DCDC1: variants seen among roughly 807,000 people sequenced by gnomAD.
DCDC1 encodes the protein doublecortin domain-containing protein 1.
Under a neutral mutation model 178.3 loss-of-function variants are expected in DCDC1, and 200 were observed. The ratio of observed to expected loss-of-function variants is 1.12; its 90% confidence interval spans 1.00 to 1.26. DCDC1 has a LOEUF of 1.26. DCDC1 is among the 50% of genes most tolerant of loss of function. DCDC1 has a pLI of 0.00. For missense variants in DCDC1, 1,983 were observed against 1,749.2 expected (o/e 1.13, Z -2.38); for synonymous variants, 690 against 604.8 (o/e 1.14, Z -2.07).
At chr11:31,135,039 T>C (rs1463965281) in intron 10 of DCDC1, among the ~76,000 whole-genome samples, 4 of 152,146 alleles carry the variant, frequency 2.6e-5, no homozygotes, top group African/African-American at 9.7e-5. Flanking sequence ...AAGCTTAACA[T>C]ATATCATCAC....
intron 34 of DCDC1, among the ~76,000 whole-genome samples, 200 bp downstream of exon 34, chr11:30,899,341 T>G (rs1287266352): frequency 6.6e-6 from 1 of 152,096 alleles, no homozygotes; most frequent in Non-Finnish European, 1.5e-5. Flanking sequence ...AATATAAAAT[T>G]TACAGATATA....
In DCDC1 at chr11:31,085,092, C is replaced by T. The variant is rs141260724; in HGVS notation, c.2237+6301G>A. 2.1e-3 allele frequency among the ~76,000 whole-genome samples: 316 copies of T among 151,842 alleles called. 1 individual carries two copies. Among genetic ancestry groups the T allele is most frequent in the African/African-American group, 6.9e-3 (287 of 41,458 alleles). ...GAACTATCCCATTGAGAAAGGCCTT[C>T]TCTCACTGTCTCCTTCTAAAGTAAC... On this transcript the variant is annotated intron_variant, in intron 17 of 38. Transcript: ENST00000684477.
chr11:31,294,907 A>G (rs761367309), intron 6 of DCDC1, among the ~76,000 whole-genome samples: 48 of 152,168 alleles, frequency 3.2e-4, no homozygotes, highest in Non-Finnish European at 6.6e-4. Flanking sequence ...AAAGCCAAAG[A>G]GGCAGAAAAG....
At chr11:30,894,422 A>T in intron 34 of DCDC1, 38 bp from the exon 35 acceptor site, 3 of 1,602,958 alleles carry the variant, frequency 1.9e-6, no homozygotes, top group Non-Finnish European at 2.6e-6. Context: ...GTTTCTGATG[A>T]TAGGCTTTCA....
chr11:31,240,368 C>A (rs1342732409), intron 9 of DCDC1, among the ~76,000 whole-genome samples: 1 of 151,788 alleles, frequency 6.6e-6, no homozygotes, highest in East Asian at 1.9e-4. Context: ...TCTGGATTTG[C>A]TGAATATAAC....
At chr11:31,368,499 G>A (rs1008574374) in intron 1 of DCDC1, among the ~76,000 whole-genome samples, 3 of 152,140 alleles carry the variant, frequency 2.0e-5, no homozygotes, top group Non-Finnish European at 2.9e-5. Flanking sequence ...AAGAAAGTAT[G>A]ATGCAGCCAG....
At chr11:31,285,759 A>G (rs1946776024) in intron 7 of DCDC1, among the ~76,000 whole-genome samples, 1 of 152,110 alleles carries the variant, frequency 6.6e-6, no homozygotes, top group South Asian at 2.1e-4. Context: ...CAATACTTAC[A>G]TGTTTTTTCA....
intron 9 of DCDC1, among the ~76,000 whole-genome samples, chr11:31,217,924 C>A (rs1043256378): frequency 2.0e-5 from 3 of 152,042 alleles, no homozygotes; most frequent in Admixed American, 2.0e-4. Flanking sequence ...TGTCTCCCAA[C>A]AAAGATAGTG....
intron 20 of DCDC1, among the ~76,000 whole-genome samples, chr11:31,009,335 A>G (rs553473308): frequency 9.2e-5 from 14 of 152,304 alleles, no homozygotes; most frequent in African/African-American, 3.4e-4. Flanking sequence ...TGTTTCAAGT[A>G]TCAATGGCCT....
At chr11:31,180,081 C>T (rs892427023) in intron 9 of DCDC1, among the ~76,000 whole-genome samples, 2 of 152,092 alleles carry the variant, frequency 1.3e-5, no homozygotes, top group South Asian at 2.1e-4. Context: ...ATTAAACATC[C>T]CTTCATGATA....
chr11:31,241,053 T>C (rs1977076387), intron 9 of DCDC1, among the ~76,000 whole-genome samples: 1 of 152,034 alleles, frequency 6.6e-6, no homozygotes, highest in South Asian at 2.1e-4. Flanking sequence ...CAGAATGTGA[T>C]TTGTTGTATT....
chr11:30,979,479 T>C (rs937867820), intron 20 of DCDC1, among the ~76,000 whole-genome samples: 3 of 152,194 alleles, frequency 2.0e-5, no homozygotes, highest in Non-Finnish European at 2.9e-5. Flanking sequence ...GAATGTCCCA[T>C]GCATCTTATC....
At chr11:31,014,230 TC>T (rs764548010) in intron 20 of DCDC1, among the ~76,000 whole-genome samples, 2 of 151,798 alleles carry the variant, frequency 1.3e-5, no homozygotes, top group African/African-American at 2.4e-5. Flanking sequence ...TCTCTTTTTC[TC>T]CCCCCTCCCC....
chr11:31,025,054 C>G (rs1953132992), intron 20 of DCDC1, among the ~76,000 whole-genome samples: 1 of 151,724 alleles, frequency 6.6e-6, no homozygotes, highest in South Asian at 2.1e-4. Context: ...CTTCATAATT[C>G]TGAGTATGAA....
chr11:31,109,041 T>C (rs1033165482), intron 12 of DCDC1, among the ~76,000 whole-genome samples: 1 of 152,096 alleles, frequency 6.6e-6, no homozygotes, highest in Non-Finnish European at 1.5e-5. Flanking sequence ...CCAGATTTAT[T>C]GCATACAGAA....
rs541569145 is a variant in DCDC1 at position 30,926,002 on chromosome 11, C to T, written c.2898-594G>A. On this transcript the variant is annotated intron_variant, in intron 22 of 38. Coordinates refer to ENST00000684477, the MANE Select transcript of DCDC1 (RefSeq NM_001387274.1). Reference sequence around the variant, plus strand: ...ACCCCCTGCCTTCCCAAACAAGCACCGGACAAGCCCTGTGGATATTGAGAT... The same window carrying T: ...ACCCCCTGCCTTCCCAAACAAGCACTGGACAAGCCCTGTGGATATTGAGAT... Among the ~76,000 whole-genome samples, 6 of 152,196 alleles carry T rather than the reference C, an allele frequency of 3.9e-5. No homozygotes were observed. In the East Asian group the frequency reaches 5.8e-4, roughly 15 times the overall value.
chr11:31,168,379 G>A (rs1966859044), intron 9 of DCDC1, among the ~76,000 whole-genome samples: 1 of 152,098 alleles, frequency 6.6e-6, no homozygotes, highest in African/African-American at 2.4e-5. Context: ...ACTCAATATA[G>A]ATGATGTTTT....
intron 1 of DCDC1, among the ~76,000 whole-genome samples, chr11:31,352,243 G>A (rs1951109151): frequency 6.6e-6 from 1 of 152,056 alleles, no homozygotes; most frequent in African/African-American, 2.4e-5. Flanking sequence ...GCTGTCATGG[G>A]TAAGGATTGA....
At chr11:30,995,530 C>T (rs1031431421) in intron 20 of DCDC1, among the ~76,000 whole-genome samples, 12 of 152,000 alleles carry the variant, frequency 7.9e-5, no homozygotes, top group East Asian at 1.9e-4. Context: ...ACATGATCAA[C>T]GTAGTGTGGT....
Sources: allele counts gnomAD v4.1 joint callset (sites outside exome capture counted in the v4.1 genomes callset), GRCh38; gene constraint gnomAD v4.1.1; transcripts MANE v1.5; gene names NCBI Gene and HGNC (gene_info 2026-07-23, HGNC 2026-07-21).